The following MYO3B variants were observed in gnomAD, a reference collection of about 807,000 sequenced individuals.
MYO3B encodes myosin-IIIb.
Under a neutral mutation model 174.6 loss-of-function variants are expected in MYO3B, and 156 were observed. The observed-to-expected ratio is 0.89, with a 90% CI of 0.78 to 1.02. The LOEUF (loss-of-function observed/expected upper bound fraction) is 1.02, where lower values mean the gene tolerates loss of function less well. MYO3B is among the 50% of genes least tolerant of loss of function. The probability of loss-of-function intolerance (pLI) is 0.00; values close to 1 mark genes in which losing one functional copy is unlikely to be tolerated. For missense variants in MYO3B, 1,632 were observed against 1,639.4 expected (o/e 1.00, Z 0.08); for synonymous variants, 563 against 569.1 (o/e 0.99, Z 0.15).
rs776297398 is a variant in MYO3B, at chr2:170,653,120, A to C, written c.4025A>C (p.Ter1342SerextTer24). The change falls in exon 35 of 35, where the codon TAA becomes TCA. Residue 1342 changes from the stop codon to serine (S), a stop_lost. Transcript: ENST00000408978. ...SSKGDSFAQH* is the reference protein window; with the variant it reads ...SSKGDSFAQHS ...AAAGGAGACTCTTTTGCTCAACATT[A>C]AATTGTGCTTCCTAACCCTAAATCT... The C allele has an allele frequency of 4.3e-6, 7 of 1,614,162 alleles. No homozygotes were observed. Among genetic ancestry groups the C allele is most frequent in the Non-Finnish European group, 5.9e-6 (7 of 1,180,024 alleles).
chr2:170,358,133 C>T (rs968360593), intron 8 of MYO3B, among the ~76,000 whole-genome samples: 8 of 148,734 alleles, frequency 5.4e-5, no homozygotes, highest in Non-Finnish European at 7.4e-5. Flanking sequence ...GCCTGGGCAA[C>T]GAGAGTGAAA....
chr2:170,294,884 G>T (rs2105427917), intron 7 of MYO3B, among the ~76,000 whole-genome samples: 1 of 151,866 alleles, frequency 6.6e-6, no homozygotes, highest in South Asian at 2.1e-4. Flanking sequence ...ATAAAGTAGG[G>T]GATATATGAG....
chr2:170,242,390 T>C (rs970221900), intron 7 of MYO3B, among the ~76,000 whole-genome samples: 5 of 152,150 alleles, frequency 3.3e-5, no homozygotes, highest in African/African-American at 1.2e-4. Context: ...CCCCAGAATA[T>C]CTTCTGGGCC....
At chr2:170,355,466 A>G (rs1366735690) in intron 8 of MYO3B, among the ~76,000 whole-genome samples, 1 of 152,218 alleles carries the variant, frequency 6.6e-6, no homozygotes, top group Non-Finnish European at 1.5e-5. Context: ...CTAGGTCATT[A>G]TCCTGCCTCT....
chr2:170,213,401 T>A (rs1202935967), intron 3 of MYO3B, among the ~76,000 whole-genome samples: 1 of 152,096 alleles, frequency 6.6e-6, no homozygotes, highest in Non-Finnish European at 1.5e-5. Context: ...GCACCGGTGG[T>A]CAGAGTGAAA....
intron 30 of MYO3B, among the ~76,000 whole-genome samples, chr2:170,540,818 G>C (rs1173399290): frequency 6.6e-6 from 1 of 151,958 alleles, no homozygotes; most frequent in Non-Finnish European, 1.5e-5. Flanking sequence ...CAGAGGAGAA[G>C]GGTCCATTGT....
intron 14 of MYO3B, among the ~76,000 whole-genome samples, chr2:170,390,104 T>G (rs994579213): frequency 6.6e-6 from 1 of 152,196 alleles, no homozygotes; most frequent in Admixed American, 6.5e-5. Flanking sequence ...CTATAACATG[T>G]TGTATATCTT....
intron 7 of MYO3B, among the ~76,000 whole-genome samples, chr2:170,293,849 C>T (rs1211662147): frequency 6.6e-6 from 1 of 152,044 alleles, no homozygotes; most frequent in Non-Finnish European, 1.5e-5. Context: ...AGGTATTCTG[C>T]ATGAGCTTTT....
intron 7 of MYO3B, among the ~76,000 whole-genome samples, chr2:170,275,958 G>T (rs1164357168): frequency 1.3e-5 from 2 of 152,140 alleles, no homozygotes; most frequent in Non-Finnish European, 2.9e-5. Flanking sequence ...GCAGAATTTT[G>T]TAAACTTTAC....
At chr2:170,626,880 C>T (rs532258323) in intron 32 of MYO3B, among the ~76,000 whole-genome samples, 103 of 152,348 alleles carry the variant, frequency 6.8e-4, no homozygotes, top group African/African-American at 2.4e-3. Context: ...TGGGCCCCCA[C>T]TCTCTTCTGG....
At chr2:170,237,489 C>T (rs1369757547) in intron 7 of MYO3B, among the ~76,000 whole-genome samples, 1 of 139,068 alleles carries the variant, frequency 7.2e-6, no homozygotes, top group East Asian at 2.0e-4. Context: ...TCAAAAATTT[C>T]TTAAGGTGAT....
At chr2:170,258,674 C>G (rs2093323115) in intron 7 of MYO3B, among the ~76,000 whole-genome samples, 1 of 152,102 alleles carries the variant, frequency 6.6e-6, no homozygotes, top group African/African-American at 2.4e-5. Context: ...ACGTTCACTA[C>G]TTCTATATGT....
At chr2:170,347,236 T>A (rs1574826702) in intron 8 of MYO3B, among the ~76,000 whole-genome samples, 2 of 152,312 alleles carry the variant, frequency 1.3e-5, no homozygotes, top group South Asian at 4.1e-4. Flanking sequence ...TTTACTTGCA[T>A]AATTTCAGTG....
chr2:170,360,383 C>T (rs2094151989), intron 8 of MYO3B, among the ~76,000 whole-genome samples: 1 of 152,026 alleles, frequency 6.6e-6, no homozygotes, highest in Non-Finnish European at 1.5e-5. Context: ...AAAAAATTAC[C>T]CAAAGGCATG....
intron 7 of MYO3B, among the ~76,000 whole-genome samples, chr2:170,289,325 A>G (rs1420758881): frequency 1.3e-5 from 2 of 152,134 alleles, no homozygotes; most frequent in Non-Finnish European, 2.9e-5. Flanking sequence ...AGAATTTATC[A>G]GTGAAACCAT....
intron 23 of MYO3B, among the ~76,000 whole-genome samples, chr2:170,447,318 GT>G (rs1038528090): frequency 1.7e-4 from 26 of 151,968 alleles, no homozygotes; most frequent in African/African-American, 4.8e-4. Context: ...GTGCTGTCGG[GT>G]TTTTTTTCTT....
At chr2:170,594,450 C>T (rs1384072456) in intron 32 of MYO3B, among the ~76,000 whole-genome samples, 2 of 152,178 alleles carry the variant, frequency 1.3e-5, no homozygotes, top group South Asian at 2.1e-4. Flanking sequence ...TACCTGAAGC[C>T]AGCTCTTCTA....
At chr2:170,444,916 G>A (rs1167292461) in intron 23 of MYO3B, among the ~76,000 whole-genome samples, 2 of 152,150 alleles carry the variant, frequency 1.3e-5, no homozygotes, top group Non-Finnish European at 2.9e-5. Flanking sequence ...TGGTTCTGAT[G>A]GCCTCTTGAT....
chr2:170,391,110 T>G (rs760657556), intron 14 of MYO3B, among the ~76,000 whole-genome samples: 13 of 152,124 alleles, frequency 8.5e-5, no homozygotes, highest in Non-Finnish European at 1.5e-4. Flanking sequence ...CCTAACCTGC[T>G]GTGAGACTTG....
Sources: allele counts gnomAD v4.1 joint callset (sites outside exome capture counted in the v4.1 genomes callset), GRCh38; gene constraint gnomAD v4.1.1; transcripts MANE v1.5; gene names NCBI Gene and HGNC (gene_info 2026-07-23, HGNC 2026-07-21).